EPB41L4B: variants seen among roughly 807,000 people sequenced by gnomAD.
The protein encoded by EPB41L4B is band 4.1-like protein 4B.
Under a neutral mutation model 112.5 loss-of-function variants are expected in EPB41L4B, and 30 were observed. That is an observed-to-expected ratio of 0.27 (90% CI 0.20 to 0.36). EPB41L4B has a LOEUF of 0.36. Ranked by LOEUF, EPB41L4B falls within the 10% of genes least tolerant of loss-of-function variation. The probability of loss-of-function intolerance (pLI) is 1.00; values close to 1 mark genes in which losing one functional copy is unlikely to be tolerated. For missense variants in EPB41L4B, 1,024 were observed against 1,133.3 expected (o/e 0.90, Z 1.38); for synonymous variants, 408 against 439.7 (o/e 0.93, Z 0.90).
At chr9:109,215,827 G>A (rs1833343111) in intron 16 of EPB41L4B, among the ~76,000 whole-genome samples, 1 of 152,052 alleles carries the variant, frequency 6.6e-6, no homozygotes, top group Non-Finnish European at 1.5e-5. Flanking sequence ...CTATCATATT[G>A]CTAACAATAT....
In EPB41L4B at chr9:109,320,210, G is replaced by T. The variant is rs536989559; in HGVS notation, c.237C>A (p.Gly79=). The T allele has an allele frequency of 2.1e-6, 3 of 1,429,898 alleles. No homozygotes were observed. Among genetic ancestry groups the T allele is most frequent in the South Asian group, 3.0e-5 (2 of 67,126 alleles). 88.6% of individuals were successfully genotyped at this position (1,429,898 alleles called of 1,614,324 possible). The change falls in exon 1 of 26, where the codon GGC becomes GGA. Residue 79 remains glycine, a synonymous_variant. Transcript: ENST00000374566. ...GGCAGTAGAGGGTGGCCTTGGCGGC[G>T]CCGGCGGCGGAGATGTGCACGGCCG... ...GGAAVHISAA[G]AAKATLYCRV... is the part of the protein sequence containing the mutation.
chr9:109,206,305 T>G (rs1363033696), intron 18 of EPB41L4B, among the ~76,000 whole-genome samples: 3 of 152,168 alleles, frequency 2.0e-5, no homozygotes, highest in Non-Finnish European at 4.4e-5. Flanking sequence ...TGCCTCAGCC[T>G]CCCGAGTAGT....
At chr9:109,211,922 G>A (rs1419048105) in intron 17 of EPB41L4B, among the ~76,000 whole-genome samples, 2 of 150,674 alleles carry the variant, frequency 1.3e-5, no homozygotes, top group African/African-American at 4.9e-5. Context: ...GTCTCGCCAT[G>A]TTGCCCAGGC....
intron 25 of EPB41L4B, among the ~76,000 whole-genome samples, chr9:109,175,398 G>A (rs1171984160): frequency 1.3e-5 from 2 of 151,432 alleles, no homozygotes; most frequent in Non-Finnish European, 2.9e-5. Context: ...TGGCTGTTTT[G>A]AGAAGTTGCC....
chr9:109,278,489 T>TC (rs1835918624), intron 2 of EPB41L4B, among the ~76,000 whole-genome samples: 1 of 152,166 alleles, frequency 6.6e-6, no homozygotes, highest in African/African-American at 2.4e-5. Context: ...ACCGATTTTG[T>TC]ACATCTTCAC....
chr9:109,218,821 C>A (rs527282332), intron 15 of EPB41L4B, among the ~76,000 whole-genome samples: 1 of 152,280 alleles, frequency 6.6e-6, no homozygotes, highest in Admixed American at 6.5e-5. Flanking sequence ...GATAAAGATC[C>A]CTTCCTCTTA....
intron 15 of EPB41L4B, among the ~76,000 whole-genome samples, chr9:109,224,065 C>A (rs10979762): frequency 3.3e-5 from 5 of 151,892 alleles, no homozygotes; most frequent in East Asian, 1.9e-4. Flanking sequence ...TAAAATAAAC[C>A]AGGGGAAACT....
chr9:109,280,779 T>G (rs1446010013), intron 1 of EPB41L4B, among the ~76,000 whole-genome samples: 1 of 151,648 alleles, frequency 6.6e-6, no homozygotes, highest in Non-Finnish European at 1.5e-5. Flanking sequence ...ACAAATATGC[T>G]TAAATCTAAG....
intron 6 of EPB41L4B, among the ~76,000 whole-genome samples, chr9:109,261,992 C>T (rs549363549): frequency 6.6e-6 from 1 of 152,286 alleles, no homozygotes; most frequent in Non-Finnish European, 1.5e-5. Flanking sequence ...ATCTGATGTA[C>T]TAATGAAATC....
intron 15 of EPB41L4B, chr9:109,240,922 A>G: frequency 1.0e-6 from 1 of 985,474 alleles, no homozygotes; most frequent in Non-Finnish European, 1.2e-6. Flanking sequence ...AACAAATGCT[A>G]TGCAATTTAA....
intron 18 of EPB41L4B, 66 bp downstream of exon 18, chr9:109,207,854 CTCTT>C: frequency 6.3e-7 from 1 of 1,595,472 alleles, no homozygotes; most frequent in South Asian, 1.1e-5. Context: ...CCTACGGTGC[CTCTT>C]TCTTCTCTGT....
intron 14 of EPB41L4B, among the ~76,000 whole-genome samples, chr9:109,245,998 A>G (rs16936345): frequency 0.011 from 1,734 of 152,198 alleles, 36 homozygotes; most frequent in African/African-American, 0.04. Flanking sequence ...CTTTTCTAAA[A>G]TTTTTCTCTC....
rs79062154 is a variant in EPB41L4B at position 109,258,991 on chromosome 9, G to A, written c.632-694C>T. Among the ~76,000 whole-genome samples, 1,124 of 152,170 alleles carry A rather than the reference G, an allele frequency of 7.4e-3. 26 individuals carry two copies. Among genetic ancestry groups the A allele is most frequent in the East Asian group, 0.044 (225 of 5,166 alleles). The stretch of plus-strand genomic sequence containing the variant: ...GGATGGAGGGCCTGAGGATACAGGT[G>A]GCCCCCTCCTCCAGGGATGATGAGA... On this transcript the variant is annotated intron_variant, in intron 6 of 25. Coordinates refer to ENST00000374566, the MANE Select transcript of EPB41L4B (RefSeq NM_019114.5).
At chr9:109,308,658 C>T (rs1379921683) in intron 1 of EPB41L4B, among the ~76,000 whole-genome samples, 2 of 152,216 alleles carry the variant, frequency 1.3e-5, no homozygotes, top group Non-Finnish European at 2.9e-5. Context: ...TTCCTGGACT[C>T]AAGTGATCCT....
Position 109,188,974 on chromosome 9 carries a change from C to T in EPB41L4B, c.2301+3304G>A, listed in dbSNP as rs115063444. Among the ~76,000 whole-genome samples the T allele has an allele frequency of 4.0e-3, 612 of 152,312 alleles. 5 individuals are homozygous for T. The highest frequency in any genetic ancestry group is 0.014 in the African/African-American group (583 of 41,552). ...AGACTTGGAGTAGCGTGCAGGACTC[C>T]GCATTCTAGGGTGAACATCACTAAT... is the stretch of plus-strand genomic sequence containing the variant. On this transcript the variant is annotated intron_variant, in intron 22 of 25. Transcript: ENST00000374566.
chr9:109,314,005 G>C (rs1837527442), intron 1 of EPB41L4B, among the ~76,000 whole-genome samples: 1 of 152,178 alleles, frequency 6.6e-6, no homozygotes, highest in South Asian at 2.1e-4. Context: ...TGAATGCATT[G>C]TAAACGAGAA....
chr9:109,201,449 C>CAAAAAAAAAA (rs563680101), intron 19 of EPB41L4B, among the ~76,000 whole-genome samples: 2 of 59,412 alleles, frequency 3.4e-5, no homozygotes, highest in African/African-American at 5.6e-5. Context: ...GACCCTGTCT[C>CAAAAAAAAAA]AAAAAAAAAA....
rs1449345962 is a variant in EPB41L4B at position 109,217,137 on chromosome 9, A to G, written c.1418T>C (p.Leu473Pro). The change falls in exon 16 of 26, where the codon CTC becomes CCC. Residue 473 changes from leucine to proline, a missense_variant. Transcript: ENST00000374566. ...HPHSPNVSYP[L>P]PSPVLSSSDR... ...CGAGCTGCTAAGCACTGGGGAAGGG[A>G]GCGGGTAGCTGTGGAGGGTGACACA... 3 of 1,613,656 alleles carry G rather than the reference A, an allele frequency of 1.9e-6. No homozygotes were observed. The highest frequency in any genetic ancestry group is 2.5e-6 in the Non-Finnish European group (3 of 1,180,024).
At chr9:109,249,976 T>C (rs1407572276) in intron 13 of EPB41L4B, among the ~76,000 whole-genome samples, 1 of 152,174 alleles carries the variant, frequency 6.6e-6, no homozygotes, top group Non-Finnish European at 1.5e-5. Context: ...AGCTGTGTTC[T>C]CTAGAACCCT....
Sources: allele counts gnomAD v4.1 joint callset (sites outside exome capture counted in the v4.1 genomes callset), GRCh38; gene constraint gnomAD v4.1.1; transcripts MANE v1.5; gene names NCBI Gene and HGNC (gene_info 2026-07-23, HGNC 2026-07-21).